Variants in STX1A observed in about 807,000 individuals in gnomAD.
The protein encoded by STX1A is syntaxin 1A.
In STX1A, 4 loss-of-function variants were observed where a neutral mutation model predicts 37.8. The observed-to-expected ratio is 0.11, with a 90% CI of 0.05 to 0.24. STX1A has a LOEUF of 0.24. STX1A is among the 10% of genes least tolerant of loss of function. The probability of loss-of-function intolerance (pLI) is 1.00; values close to 1 mark genes in which losing one functional copy is unlikely to be tolerated. For synonymous variants in STX1A, 135 were observed against 147.4 expected, an observed-to-expected ratio of 0.92 and a Z score of 0.61; for missense variants, 251 against 399.9, an observed-to-expected ratio of 0.63 and a Z score of 3.18.
rs1384926777 is a variant in STX1A, at chr7:73,706,661, CT to C, written c.209-1438del. Among the ~76,000 whole-genome samples the C allele has an allele frequency of 2.0e-5, 3 of 152,084 alleles. No homozygotes were observed. The highest frequency in any genetic ancestry group is 7.2e-5 in the African/African-American group (3 of 41,412). On this transcript the variant is annotated intron_variant, in intron 3 of 9. Coordinates refer to ENST00000222812, the MANE Select transcript of STX1A (RefSeq NM_004603.4). This position sits in a 1 kb window ranked among gnomAD's most constrained non-coding sequence, Gnocchi z 4.6. Reference sequence around the variant, plus strand: ...CCAAGGTGTGGAGCAGACAGCTCTGCTGCCCCATGCCCGCCCCACCTGCCAG... The same window carrying C: ...CCAAGGTGTGGAGCAGACAGCTCTGCGCCCCATGCCCGCCCCACCTGCCAG...
chr7:73,715,880 C>T (rs563306758), intron 1 of STX1A, among the ~76,000 whole-genome samples: 41 of 152,228 alleles, frequency 2.7e-4, no homozygotes, highest in African/African-American at 5.8e-4. Flanking sequence ...CCAGGAAAGA[C>T]GGCTGTGCAA....
intron 1 of STX1A, among the ~76,000 whole-genome samples, chr7:73,715,974 C>T (rs544433735): frequency 2.6e-5 from 4 of 152,188 alleles, no homozygotes; most frequent in African/African-American, 9.7e-5. Context: ...TTCACAGGGC[C>T]CCAGAGTGGC....
intron 1 of STX1A, among the ~76,000 whole-genome samples, chr7:73,712,878 T>C (rs1349010007): frequency 6.6e-6 from 1 of 152,226 alleles, no homozygotes; most frequent in African/African-American, 2.4e-5. Context: ...ACTGTGCCTC[T>C]GTCTCCTGTC....
At position 73,704,510 on chromosome 7, in the gene STX1A, A is replaced by C. The variant is rs1021073001; in HGVS notation, c.284-87T>G. The C allele has an allele frequency of 1.7e-5, 26 of 1,525,006 alleles. No homozygotes were observed. The African/African-American group carries it at 3.2e-4, about 19-fold the overall frequency. 94.5% of individuals were successfully genotyped at this position (1,525,006 alleles called of 1,614,324 possible). ...ACACCCAGCATCTATCCACCTTCCC[A>C]CATCCCCTAGGGTATGTGTGTGGCC... On this transcript the variant is annotated intron_variant, in intron 4 of 9. Transcript: ENST00000222812.
chr7:73,710,214 G>C (rs1554617738), intron 1 of STX1A, among the ~76,000 whole-genome samples: 1 of 152,238 alleles, frequency 6.6e-6, no homozygotes, highest in Non-Finnish European at 1.5e-5. Flanking sequence ...CCCCCATCGT[G>C]GGGCAGGGGT....
chr7:73,709,174 A>G lies in STX1A; in HGVS notation c.31-52T>C, dbSNP rs1554617594. On this transcript the variant is annotated intron_variant, in intron 1 of 9. Transcript: ENST00000222812. This position sits in a 1 kb window ranked among gnomAD's most constrained non-coding sequence, Gnocchi z 4.2. ...GGACGTATGTACAGGACCCACCTGT[A>G]CACACGCAGGTGCCCAGGGTACAGC... 11 of 1,579,166 alleles carry G rather than the reference A, an allele frequency of 7.0e-6. No homozygotes were observed. Among genetic ancestry groups the G allele is most frequent in the Non-Finnish European group, 9.5e-6 (11 of 1,157,726 alleles).
intron 1 of STX1A, among the ~76,000 whole-genome samples, chr7:73,719,060 G>A (rs1016189749): frequency 1.2e-4 from 18 of 151,812 alleles, no homozygotes; most frequent in Admixed American, 2.0e-4. Context: ...AGGGTGGCCC[G>A]AGGAGGCCGC....
At chr7:73,707,764 T>C (rs1446881859) in intron 3 of STX1A, among the ~76,000 whole-genome samples, 14 of 150,656 alleles carry the variant, frequency 9.3e-5, no homozygotes, top group African/African-American at 3.4e-4. Context: ...AGAAACCCCA[T>C]CTTTACTAAA....
At chr7:73,716,129 C>G (rs951401227) in intron 1 of STX1A, among the ~76,000 whole-genome samples, 2 of 152,244 alleles carry the variant, frequency 1.3e-5, no homozygotes, top group African/African-American at 4.8e-5. Context: ...GGAGGCCGTT[C>G]CACCTGCACC....
intron 7 of STX1A, 26 bp downstream of exon 7, chr7:73,703,729 G>A: frequency 1.2e-6 from 2 of 1,608,814 alleles, no homozygotes; most frequent in Non-Finnish European, 1.7e-6. Flanking sequence ...GGGGGTCATG[G>A]CAGGAGGGAT....
chr7:73,700,571 CG>C lies in STX1A; in HGVS notation c.790-88del, dbSNP rs112399048. The C allele has an allele frequency of 1.9e-5, 28 of 1,503,714 alleles. No individual in the cohort carries two copies. The highest frequency in any genetic ancestry group is 4.4e-5 in the African/African-American group (3 of 68,008). 93.1% of individuals were successfully genotyped at this position (1,503,714 alleles called of 1,614,324 possible). A position where few individuals can be genotyped will look rare whatever the true frequency, so the allele number is the denominator to read the frequency against. On this transcript the variant is annotated intron_variant, in intron 9 of 9. Coordinates refer to ENST00000222812, the MANE Select transcript of STX1A (RefSeq NM_004603.4). The surrounding 1 kb of genome is among the most constrained non-coding windows in gnomAD (Gnocchi z 4.4). Reference sequence around the variant, plus strand: ...TGGCAAAGGCTGAGGACTGGACAGTCGGGGGGGATCCAAGCAGGGGAAGGTG... The same window carrying C: ...TGGCAAAGGCTGAGGACTGGACAGTCGGGGGGATCCAAGCAGGGGAAGGTG...
chr7:73,702,930 C>T lies in STX1A; in HGVS notation c.593G>A (p.Arg198Gln). ...CTCCAGCTTGATGATCTCACTGTGC[C>T]GCGTCTCAATCTCGCTCAGAGCCTG... ...SKQALSEIET[R>Q]HSEIIKLENS... Residue 198 changes from arginine (R) to glutamine (Q), a missense_variant, in exon 8 of 10, where the codon CGG (arginine) becomes CAG (glutamine). Coordinates refer to ENST00000222812, the MANE Select transcript of STX1A (RefSeq NM_004603.4). The surrounding 1 kb of genome is among the most constrained non-coding windows in gnomAD (Gnocchi z 4.7). 1 of 1,613,226 alleles carries T rather than the reference C, an allele frequency of 6.2e-7. No homozygotes were observed. Among genetic ancestry groups the T allele is most frequent in the Non-Finnish European group, 8.5e-7 (1 of 1,179,944 alleles).
At position 73,702,764 on chromosome 7, in the gene STX1A, G is replaced by A; in HGVS notation, c.678+81C>T. Reference sequence around the variant, plus strand: ...TGGTCCCTCCCCGGCAGGGCAGCGTGTCGGGCAGAAAGGGCGAGGTTAGTG... The same window carrying A: ...TGGTCCCTCCCCGGCAGGGCAGCGTATCGGGCAGAAAGGGCGAGGTTAGTG... On this transcript the variant is annotated intron_variant, in intron 8 of 9. Coordinates refer to ENST00000222812, the MANE Select transcript of STX1A (RefSeq NM_004603.4). The surrounding 1 kb of genome is among the most constrained non-coding windows in gnomAD (Gnocchi z 4.7). 2 of 1,602,380 alleles carry A rather than the reference G, an allele frequency of 1.2e-6. No individual in the cohort carries two copies. The highest frequency in any genetic ancestry group is 1.7e-6 in the Non-Finnish European group (2 of 1,171,538).
intron 6 of STX1A, 52 bp from the exon 7 acceptor site, chr7:73,703,880 A>G: frequency 1.3e-6 from 2 of 1,582,850 alleles, no homozygotes; most frequent in South Asian, 1.1e-5. Flanking sequence ...GGAGTTCAGC[A>G]GCAGCATTGG....
In STX1A at chr7:73,700,236, A is replaced by G; in HGVS notation, c.*171T>C. 1 of 652,722 alleles carries G rather than the reference A, an allele frequency of 1.5e-6. No individual in the cohort carries two copies. Among genetic ancestry groups the G allele is most frequent in the Non-Finnish European group, 2.7e-6 (1 of 369,498 alleles). The allele number at this position is 652,722 out of a possible 1,614,324, so 40.4% of individuals were successfully genotyped here. A position where few individuals can be genotyped will look rare whatever the true frequency, so the allele number is the denominator to read the frequency against. ...ACGCACACTCACAGAGATCATGCAC[A>G]CGACACGGGGCGGGGACGGAGGGCC... On this transcript the variant is annotated 3_prime_UTR_variant, in exon 10 of 10. Coordinates refer to ENST00000222812, the MANE Select transcript of STX1A (RefSeq NM_004603.4). The surrounding 1 kb of genome is among the most constrained non-coding windows in gnomAD (Gnocchi z 4.4).
chr7:73,719,577 G>T lies in STX1A; in HGVS notation c.30+25C>A. ...TTGGCGCTGGCGGCGGGCGGCGGGCGGCCGCGCGCTGGGGCCGGACTCACC... is the reference window on the plus strand; with the variant it reads ...TTGGCGCTGGCGGCGGGCGGCGGGCTGCCGCGCGCTGGGGCCGGACTCACC... On this transcript the variant is annotated intron_variant, in intron 1 of 9. Transcript: ENST00000222812. 4 of 1,208,326 alleles carry T rather than the reference G, an allele frequency of 3.3e-6. No individual in the cohort carries two copies. In the South Asian group the frequency reaches 1.2e-4, roughly 38 times the overall value. 74.9% of individuals were successfully genotyped at this position (1,208,326 alleles called of 1,614,324 possible). A position where few individuals can be genotyped will look rare whatever the true frequency, so the allele number is the denominator to read the frequency against.
intron 1 of STX1A, among the ~76,000 whole-genome samples, chr7:73,715,951 C>T (rs1440341154): frequency 6.6e-6 from 1 of 152,236 alleles, no homozygotes; most frequent in African/African-American, 2.4e-5. Flanking sequence ...CCCCGCCCTG[C>T]AGAGCCTGCC....
intron 6 of STX1A, 63 bp from the exon 7 acceptor site, chr7:73,703,891 G>GC: frequency 6.5e-7 from 1 of 1,548,184 alleles, no homozygotes; most frequent in Non-Finnish European, 8.7e-7. Context: ...GCAGCATTGG[G>GC]CCCCGCCCCC....
chr7:73,700,407 C>T lies in STX1A; in HGVS notation c.867G>A (p.Ter289=), dbSNP rs782494349. 6.2e-7 allele frequency: 1 copy of T among 1,613,994 alleles called. No homozygotes were observed. Among genetic ancestry groups the T allele is most frequent in the East Asian group, 2.2e-5 (1 of 44,838 alleles). ...IASTVGGIFA[*] is the part of the protein sequence containing the mutation. ...AGTGGAGTGGCAGTTTGGGTGGCTT[C>T]TAGGCGAAGATGCCCCCAACAGTGG... is the stretch of plus-strand genomic sequence containing the variant. Residue 289 remains the stop codon, a stop_retained_variant, in exon 10 of 10, where the codon TAG becomes TAA. Coordinates refer to ENST00000222812, the MANE Select transcript of STX1A (RefSeq NM_004603.4). This position sits in a 1 kb window ranked among gnomAD's most constrained non-coding sequence, Gnocchi z 4.4.
Sources: gnomAD v4.1 joint callset for allele counts (sites outside exome capture counted in the v4.1 genomes callset) on GRCh38, gnomAD v4.1.1 for gene constraint, Gnocchi (gnomAD v3.1) non-coding constraint, MANE v1.5 for transcripts, NCBI Gene and HGNC (gene_info 2026-07-23, HGNC 2026-07-21) for gene names.